NCAM1: variants seen among roughly 807,000 people sequenced by gnomAD.
The protein encoded by NCAM1 is antigen recognized by monoclonal antibody 5.1H11.
NCAM1 carries 14 observed loss-of-function variants against 109.8 expected under a neutral mutation model. The ratio of observed to expected loss-of-function variants is 0.13; its 90% CI spans 0.08 to 0.20. The LOEUF is 0.20. Among genes scored for constraint, NCAM1 ranks in the 10% least tolerant of loss-of-function variants. The probability of loss-of-function intolerance (pLI) is 1.00; values close to 1 mark genes in which losing one functional copy is unlikely to be tolerated. For synonymous variants in NCAM1, 418 were observed against 442.9 expected (o/e 0.94, Z 0.70); for missense variants, 774 against 1,109.9 (o/e 0.70, Z 4.30).
At chr11:113,217,828 G>A in intron 8 of NCAM1, among the ~76,000 whole-genome samples, 1 of 152,224 alleles carries the variant, frequency 6.6e-6, no homozygotes, top group Non-Finnish European at 1.5e-5. Flanking sequence ...AATTTGGGAA[G>A]AGGCTTCCTT....
chr11:113,254,608 G>C (rs555632635), intron 15 of NCAM1, among the ~76,000 whole-genome samples: 1 of 152,172 alleles, frequency 6.6e-6, no homozygotes, highest in East Asian at 1.9e-4. Flanking sequence ...GAAGTGAGGC[G>C]TGACTCTCGC....
intron 18 of NCAM1, 68 bp from the exon 19 acceptor site, chr11:113,271,692 G>C: frequency 8.0e-7 from 1 of 1,246,190 alleles, no homozygotes; most frequent in Non-Finnish European, 1.1e-6. Flanking sequence ...TTGAGTCATA[G>C]CTGCTCTTCC....
At chr11:113,192,583 C>A (rs1943716167) in intron 1 of NCAM1, among the ~76,000 whole-genome samples, 1 of 152,154 alleles carries the variant, frequency 6.6e-6, no homozygotes, top group Admixed American at 6.5e-5. Flanking sequence ...GCTATTCTCT[C>A]CCTTTAATGA....
At chr11:112,999,764 A>G (rs926515495) in intron 1 of NCAM1, among the ~76,000 whole-genome samples, 6 of 152,174 alleles carry the variant, frequency 3.9e-5, no homozygotes, top group Admixed American at 1.3e-4. Context: ...GCCTGTTACA[A>G]CAGCTGTGTC....
intron 1 of NCAM1, among the ~76,000 whole-genome samples, chr11:113,055,813 C>T (rs1297697198): frequency 3.3e-5 from 5 of 151,138 alleles, no homozygotes; most frequent in African/African-American, 7.3e-5. Context: ...ATAGAACTAC[C>T]ACGTGACTCA....
In NCAM1 at chr11:113,231,305, T is replaced by C. The variant is rs186090080; in HGVS notation, c.1090-340T>C. 457 of 1,535,410 alleles carry C rather than the reference T, an allele frequency of 3.0e-4. 1 individual carries two copies. The African/African-American group carries it at 5.7e-3, about 19-fold the overall frequency. On this transcript the variant is annotated intron_variant, in intron 9 of 19. Coordinates refer to ENST00000316851, the MANE Select transcript of NCAM1 (RefSeq NM_181351.5). ...CTGCTGCTGCTGCTGCTGCAATATC[T>C]GCTGGCCGGAGGCTTTGCTTCCATT...
chr11:113,003,779 C>T (rs1951817397), intron 1 of NCAM1: 1 of 152,214 alleles, frequency 6.6e-6, no homozygotes, highest in Non-Finnish European at 1.5e-5. Flanking sequence ...AATTGGGCAT[C>T]AGACTCTTTG....
At chr11:113,056,112 G>A (rs1392880717) in intron 1 of NCAM1, among the ~76,000 whole-genome samples, 1 of 147,184 alleles carries the variant, frequency 6.8e-6, no homozygotes, top group Non-Finnish European at 1.5e-5. Flanking sequence ...CAGCAACATG[G>A]ATGGAACCGG....
At chr11:113,088,000 G>A (rs557980792) in intron 1 of NCAM1, among the ~76,000 whole-genome samples, 1 of 152,188 alleles carries the variant, frequency 6.6e-6, no homozygotes, top group Non-Finnish European at 1.5e-5. Context: ...CATTTGAAAA[G>A]AAAAGTTAAC....
At chr11:113,083,303 T>C (rs1387062554) in intron 1 of NCAM1, among the ~76,000 whole-genome samples, 1 of 152,210 alleles carries the variant, frequency 6.6e-6, no homozygotes, top group Admixed American at 6.5e-5. Context: ...ATTTAATAAC[T>C]GGCCCAAATA....
intron 9 of NCAM1, among the ~76,000 whole-genome samples, chr11:113,229,285 C>T (rs1357327856): frequency 2.6e-5 from 4 of 152,136 alleles, no homozygotes; most frequent in Non-Finnish European, 5.9e-5. Flanking sequence ...ATATGAACGA[C>T]ACTTCTCAAA....
chr11:113,082,369 G>A (rs1565425355), intron 1 of NCAM1, among the ~76,000 whole-genome samples: 1 of 152,142 alleles, frequency 6.6e-6, no homozygotes, highest in Non-Finnish European at 1.5e-5. Flanking sequence ...ATTAAATTTT[G>A]AGAAAATGTT....
At chr11:113,013,765 G>A (rs983511370) in intron 1 of NCAM1, among the ~76,000 whole-genome samples, 10 of 152,266 alleles carry the variant, frequency 6.6e-5, no homozygotes, top group Admixed American at 3.9e-4. Context: ...CCAAGTTAAC[G>A]TCAATATATT....
intron 1 of NCAM1, among the ~76,000 whole-genome samples, chr11:113,002,363 A>G (rs189923887): frequency 5.9e-5 from 9 of 152,352 alleles, no homozygotes; most frequent in Admixed American, 5.2e-4. Context: ...TGAAACAAAA[A>G]CATCCTGTTT....
In NCAM1 at chr11:113,272,004, C is replaced by A. The variant is rs1466124231; in HGVS notation, c.2456+128C>A. ...AAACAGTTCAGGCCAGGATTCCAAA[C>A]CCTTGGCCACAAGACCTGCTTGGCT... On this transcript the variant is annotated intron_variant, in intron 19 of 19. Transcript: ENST00000316851. The A allele has an allele frequency of 6.4e-6, 4 of 620,454 alleles. No homozygotes were observed. The East Asian group carries it at 9.2e-5, about 14-fold the overall frequency. The allele number at this position is 620,454 out of a possible 1,614,324, so 38.4% of individuals were successfully genotyped here.
At chr11:113,160,373 T>C (rs151073380) in intron 1 of NCAM1, among the ~76,000 whole-genome samples, 42 of 152,318 alleles carry the variant, frequency 2.8e-4, no homozygotes, top group Non-Finnish European at 4.9e-4. Context: ...TCCATGGGAC[T>C]GTTCTAATAG....
Position 113,002,204 on chromosome 11 carries a change from A to G in NCAM1, c.52+40540A>G, listed in dbSNP as rs573572348. On this transcript the variant is annotated intron_variant, in intron 1 of 19. Transcript: ENST00000316851. The stretch of plus-strand genomic sequence containing the variant: ...GGGGAGCAGTTGTTTCCTCAGAGAT[A>G]CTGGCAAAGGAGAAACCTGTGTTCA... Among the ~76,000 whole-genome samples the G allele has an allele frequency of 3.9e-5, 6 of 152,320 alleles. No homozygotes were observed. In the East Asian group the frequency reaches 7.7e-4, roughly 20 times the overall value.
chr11:112,964,129 GTTTTTTTTTTGTTT>G (rs782798262), intron 1 of NCAM1, among the ~76,000 whole-genome samples: 22 of 123,870 alleles, frequency 1.8e-4, no homozygotes, highest in African/African-American at 6.1e-4. Context: ...TATATCTGAG[GTTTTTTTTTTGTTT>G]TTTTTTTTTT....
intron 1 of NCAM1, among the ~76,000 whole-genome samples, chr11:112,993,866 TGAA>T (rs1951528000): frequency 6.6e-6 from 1 of 152,212 alleles, no homozygotes; most frequent in Non-Finnish European, 1.5e-5. Context: ...TGTGACCTTC[TGAA>T]GTTTTTTTAG....
Sources: gnomAD v4.1 joint callset for allele counts (sites outside exome capture counted in the v4.1 genomes callset) on GRCh38, gnomAD v4.1.1 for gene constraint, MANE v1.5 for transcripts, NCBI Gene and HGNC (gene_info 2026-07-23, HGNC 2026-07-21) for gene names.